The following SH2D4B variants were observed in gnomAD, a reference collection of about 807,000 sequenced individuals.
The protein encoded by SH2D4B is SH2 domain-containing protein 4B.
A neutral mutation model predicts 61.5 loss-of-function variants in SH2D4B; 45 were observed. That is an observed-to-expected ratio of 0.73 (90% CI 0.58 to 0.94). SH2D4B has a LOEUF of 0.94. Ranked by LOEUF, SH2D4B falls within the 40% of genes least tolerant of loss-of-function variation. SH2D4B has a pLI of 0.00. For synonymous variants in SH2D4B, 224 were observed against 220.4 expected, an observed-to-expected ratio of 1.02 and a Z score of -0.14; for missense variants, 572 against 574.2, an observed-to-expected ratio of 1.00 and a Z score of 0.04.
chr10:80,561,051 C>A (rs1841896381), intron 1 of SH2D4B, among the ~76,000 whole-genome samples: 1 of 152,176 alleles, frequency 6.6e-6, no homozygotes, highest in African/African-American at 2.4e-5. Context: ...ATTTCTGTTG[C>A]AAACTGATGT....
intron 7 of SH2D4B, among the ~76,000 whole-genome samples, chr10:80,636,472 T>G (rs573994568): frequency 6.6e-6 from 1 of 152,362 alleles, no homozygotes; most frequent in East Asian, 1.9e-4. Flanking sequence ...GTTTCATGAC[T>G]TTTTAATGAT....
chr10:80,566,952 A>T (rs1403399792), intron 1 of SH2D4B, among the ~76,000 whole-genome samples: 2 of 152,186 alleles, frequency 1.3e-5, no homozygotes, highest in Admixed American at 6.5e-5. Flanking sequence ...GCACTCCTAT[A>T]TATATCTGGA....
In SH2D4B at chr10:80,539,938, A is replaced by G. The variant is rs1841556329; in HGVS notation, c.184+1423A>G. 6.6e-6 allele frequency among the ~76,000 whole-genome samples: 1 copy of G among 152,140 alleles called. No individual in the cohort carries two copies. Among genetic ancestry groups the G allele is most frequent in the South Asian group, 2.1e-4 (1 of 4,816 alleles). On this transcript the variant is annotated intron_variant, in intron 1 of 7. Transcript: ENST00000646907. The surrounding 1 kb of genome is among the most constrained non-coding windows in gnomAD (Gnocchi z 4.9). The stretch of plus-strand genomic sequence containing the variant: ...CGGGCTGGGCTGCGCTGGCAGCTGC[A>G]TCACTAACTGGTGAAATGACAAGCC...
At chr10:80,614,368 C>A (rs945202837) in intron 6 of SH2D4B, among the ~76,000 whole-genome samples, 2 of 152,206 alleles carry the variant, frequency 1.3e-5, no homozygotes, top group Admixed American at 6.5e-5. Flanking sequence ...ACACACTTAA[C>A]CAGATCTCAT....
At chr10:80,543,916 T>C (rs12776777) in intron 1 of SH2D4B, among the ~76,000 whole-genome samples, 3 of 102,514 alleles carry the variant, frequency 2.9e-5, no homozygotes, top group Non-Finnish European at 6.0e-5. Context: ...GAGAACCTTT[T>C]TGTCTAGCTC....
At chr10:80,610,086 A>G (rs543539809) in intron 6 of SH2D4B, among the ~76,000 whole-genome samples, 34 of 152,152 alleles carry the variant, frequency 2.2e-4, no homozygotes, top group African/African-American at 7.2e-4. Context: ...CAAACAAGCC[A>G]TCCTCTTTCC....
chr10:80,572,986 A>ATTTTTT lies in SH2D4B; in HGVS notation c.495+1433_495+1438dup, dbSNP rs61401607. 1.9e-3 allele frequency among the ~76,000 whole-genome samples: 17 copies of ATTTTTT among 8,876 alleles called. 4 individuals are homozygous for ATTTTTT. Among genetic ancestry groups the ATTTTTT allele is most frequent in the Non-Finnish European group, 2.8e-3 (14 of 4,940 alleles). 5.8% of individuals were successfully genotyped at this position (8,876 alleles called of 152,430 possible). On this transcript the variant is annotated intron_variant, in intron 3 of 7. Transcript: ENST00000646907. ...TATATATATATATATATATATATATATTTTTTTTTTTTTTTTTTTTTTTTT... is the reference window on the plus strand; with the variant it reads ...TATATATATATATATATATATATATATTTTTTTTTTTTTTTTTTTTTTTTTTTTTTT...
intron 6 of SH2D4B, among the ~76,000 whole-genome samples, chr10:80,611,393 A>G (rs1247906064): frequency 1.3e-5 from 2 of 152,122 alleles, no homozygotes; most frequent in Non-Finnish European, 2.9e-5. Context: ...GTCCACTTTC[A>G]GACCTCTTTC....
At chr10:80,588,217 C>T (rs1842282245) in intron 3 of SH2D4B, among the ~76,000 whole-genome samples, 4 of 152,114 alleles carry the variant, frequency 2.6e-5, no homozygotes, top group Admixed American at 2.6e-4. Flanking sequence ...GTTTGTGTAG[C>T]AGGTAAGAAA....
intron 6 of SH2D4B, among the ~76,000 whole-genome samples, chr10:80,630,756 TGAG>T (rs1431487599): frequency 6.6e-6 from 1 of 152,154 alleles, no homozygotes; most frequent in Admixed American, 6.5e-5. Context: ...GGGCTTTCAA[TGAG>T]GAGTCAGGGT....
At chr10:80,618,272 C>T (rs915291817) in intron 6 of SH2D4B, among the ~76,000 whole-genome samples, 3 of 152,202 alleles carry the variant, frequency 2.0e-5, no homozygotes, top group African/African-American at 7.2e-5. Flanking sequence ...TATACAGGAT[C>T]TTGCCATAGC....
At chr10:80,609,308 C>T (rs953620326) in intron 5 of SH2D4B, 116 bp from the exon 6 acceptor site, 51 of 678,458 alleles carry the variant, frequency 7.5e-5, no homozygotes, top group Admixed American at 9.5e-5. Context: ...ACCCCCCCTT[C>T]CTCCTCCTCC....
intron 3 of SH2D4B, among the ~76,000 whole-genome samples, chr10:80,585,711 G>T (rs7081344): frequency 6.6e-6 from 1 of 152,322 alleles, no homozygotes; most frequent in South Asian, 2.1e-4. Context: ...GTGACAGCGT[G>T]CTAGCAGCCC....
intron 6 of SH2D4B, among the ~76,000 whole-genome samples, chr10:80,621,755 G>T (rs1194226540): frequency 6.6e-6 from 1 of 152,208 alleles, no homozygotes; most frequent in Non-Finnish European, 1.5e-5. Flanking sequence ...CTGATTTCCA[G>T]CACAGCAGGG....
chr10:80,587,154 T>TG (rs1842267274), intron 3 of SH2D4B, among the ~76,000 whole-genome samples: 18 of 99,456 alleles, frequency 1.8e-4, no homozygotes, highest in Middle Eastern at 5.3e-3. Flanking sequence ...TTGTTTTGTT[T>TG]TTTTTTTTTT....
intron 7 of SH2D4B, chr10:80,642,882 C>T (rs1259000349): frequency 2.0e-5 from 3 of 152,588 alleles, no homozygotes; most frequent in African/African-American, 4.8e-5. Context: ...AGTCTCCTGC[C>T]AAAACTATAT....
Position 80,609,565 on chromosome 10 carries a change from T to G in SH2D4B, c.988+14T>G, listed in dbSNP as rs138900964. On this transcript the variant is annotated intron_variant, in intron 6 of 7. Transcript: ENST00000646907. ...CCTGGTTCCATGGTAGCACCATTTT[T>G]CTGGGCCCTGTGCCAGATGATTTCC... is the stretch of plus-strand genomic sequence containing the variant. 1.2e-5 allele frequency: 19 copies of G among 1,613,762 alleles called. No individual in the cohort carries two copies. The African/African-American group carries it at 2.1e-4, about 18-fold the overall frequency.
chr10:80,602,240 T>C (rs956578705), intron 4 of SH2D4B, among the ~76,000 whole-genome samples: 1 of 152,042 alleles, frequency 6.6e-6, no homozygotes, highest in Non-Finnish European at 1.5e-5. Context: ...GGTGGGAGGA[T>C]TGCTTTAGCA....
intron 1 of SH2D4B, among the ~76,000 whole-genome samples, chr10:80,549,618 C>T (rs1247444767): frequency 2.6e-5 from 4 of 152,324 alleles, no homozygotes; most frequent in East Asian, 1.9e-4. Flanking sequence ...GAAGTCCACC[C>T]GGCGTGCACA....
Sources: allele counts gnomAD v4.1 joint callset (sites outside exome capture counted in the v4.1 genomes callset), GRCh38; gene constraint gnomAD v4.1.1; non-coding constraint Gnocchi (gnomAD v3.1); transcripts MANE v1.5; gene names NCBI Gene and HGNC (gene_info 2026-07-23, HGNC 2026-07-21).